The following NAALADL2 variants were observed in gnomAD, a reference collection of about 807,000 sequenced individuals.
NAALADL2 encodes the protein inactive N-acetylated-alpha-linked acidic dipeptidase-like protein 2.
NAALADL2 carries 76 observed loss-of-function variants against 87.2 expected under a neutral mutation model. The ratio of observed to expected loss-of-function variants is 0.87; its 90% confidence interval spans 0.72 to 1.05. NAALADL2 has a LOEUF of 1.05. NAALADL2 is among the 50% of genes least tolerant of loss of function. NAALADL2 has a pLI of 0.00. For synonymous variants in NAALADL2, 354 were observed against 331.0 expected (o/e 1.07, Z -0.75); for missense variants, 1,089 against 945.8 (o/e 1.15, Z -1.99).
intron 11 of NAALADL2, among the ~76,000 whole-genome samples, chr3:175,657,879 T>A (rs909767165): frequency 2.0e-5 from 3 of 151,956 alleles, no homozygotes; most frequent in African/African-American, 7.2e-5. Context: ...CCTGGCCTCA[T>A]TTTACTGGTT....
At chr3:175,037,240 TATG>T (rs1753529685) in intron 1 of NAALADL2, among the ~76,000 whole-genome samples, 1 of 152,146 alleles carries the variant, frequency 6.6e-6, no homozygotes, top group African/African-American at 2.4e-5. Context: ...GCACTGGTGA[TATG>T]ACTAAGTCAC....
intron 8 of NAALADL2, among the ~76,000 whole-genome samples, chr3:175,467,773 A>G (rs1204324485): frequency 6.6e-6 from 1 of 152,082 alleles, no homozygotes; most frequent in Non-Finnish European, 1.5e-5. Flanking sequence ...TCCAAATGAA[A>G]TCTAGCATGC....
At chr3:174,903,867 T>C (rs1732599388) in intron 1 of NAALADL2, among the ~76,000 whole-genome samples, 1 of 151,786 alleles carries the variant, frequency 6.6e-6, no homozygotes, top group African/African-American at 2.4e-5. Context: ...CACCTATAAA[T>C]GTACTTTTTT....
intron 12 of NAALADL2, among the ~76,000 whole-genome samples, chr3:175,749,156 G>A (rs1242748154): frequency 8.1e-5 from 9 of 110,714 alleles, no homozygotes; most frequent in Non-Finnish European, 1.5e-4. Context: ...GGAAGGGAGG[G>A]GAGGGGAAGG....
At chr3:174,530,328 A>G (rs1721125857) in intron 1 of NAALADL2, among the ~76,000 whole-genome samples, 2 of 152,018 alleles carry the variant, frequency 1.3e-5, no homozygotes, top group South Asian at 4.1e-4. Context: ...CTTAGCCTGG[A>G]TTTCATTGTC....
intron 5 of NAALADL2, among the ~76,000 whole-genome samples, chr3:175,378,377 C>T (rs78230963): frequency 0.15 from 22,786 of 152,234 alleles, 1,872 homozygotes; most frequent in African/African-American, 0.19. Flanking sequence ...GCACCCTCTT[C>T]GCAGGTCCTG....
At chr3:175,175,271 G>T (rs1655715266) in intron 2 of NAALADL2, among the ~76,000 whole-genome samples, 2 of 151,860 alleles carry the variant, frequency 1.3e-5, no homozygotes, top group Non-Finnish European at 2.9e-5. Flanking sequence ...ACATCATTTT[G>T]CCTTTTATTT....
intron 11 of NAALADL2, among the ~76,000 whole-genome samples, chr3:175,729,684 G>A (rs1005819313): frequency 6.6e-5 from 10 of 151,680 alleles, no homozygotes; most frequent in Non-Finnish European, 1.2e-4. Context: ...TACAGTCTCC[G>A]AATCTGTTGT....
chr3:174,848,716 AG>A (rs2109461361), intron 3 of NAALADL2, among the ~76,000 whole-genome samples: 1 of 152,298 alleles, frequency 6.6e-6, no homozygotes, highest in Non-Finnish European at 1.5e-5. Context: ...TTTAAACTAC[AG>A]TCATGCGTCA....
chr3:175,346,785 G>T (rs1234984698), intron 5 of NAALADL2, among the ~76,000 whole-genome samples: 2 of 152,104 alleles, frequency 1.3e-5, no homozygotes, highest in South Asian at 2.1e-4. Flanking sequence ...AGCTTAAATG[G>T]CTTAGAAGCA....
intron 2 of NAALADL2, among the ~76,000 whole-genome samples, chr3:175,100,407 G>C (rs1166933285): frequency 2.0e-5 from 3 of 152,232 alleles, no homozygotes; most frequent in Non-Finnish European, 2.9e-5. Flanking sequence ...AGTGGAAAAA[G>C]TTTAACAAAA....
intron 2 of NAALADL2, among the ~76,000 whole-genome samples, chr3:175,203,854 A>G (rs575909679): frequency 6.6e-6 from 1 of 152,242 alleles, no homozygotes. Flanking sequence ...AAAGAGATGG[A>G]TACATTCCTG....
At chr3:174,606,189 C>A (rs748186267) in intron 2 of NAALADL2, among the ~76,000 whole-genome samples, 45 of 152,074 alleles carry the variant, frequency 3.0e-4, no homozygotes, top group Middle Eastern at 6.3e-3. Context: ...TCATCAAAGA[C>A]CGAAAGTAGA....
chr3:175,691,977 T>C (rs1320131140), intron 11 of NAALADL2, among the ~76,000 whole-genome samples: 1 of 152,184 alleles, frequency 6.6e-6, no homozygotes, highest in Non-Finnish European at 1.5e-5. Context: ...CTTTCTCGAA[T>C]ATGATGCTGC....
chr3:174,781,385 G>A (rs1317672248), intron 3 of NAALADL2, among the ~76,000 whole-genome samples: 2 of 151,430 alleles, frequency 1.3e-5, no homozygotes, highest in Non-Finnish European at 2.9e-5. Context: ...TTCCAGCTTG[G>A]TTCCATTCTC....
chr3:175,397,151 A>T (rs1183940144), intron 5 of NAALADL2: 1 of 152,132 alleles, frequency 6.6e-6, no homozygotes, highest in Non-Finnish European at 1.5e-5. Flanking sequence ...CTATTTGTCT[A>T]TATTGCCCAC....
At chr3:174,491,220 T>C (rs1324412271) in intron 1 of NAALADL2, among the ~76,000 whole-genome samples, 2 of 152,150 alleles carry the variant, frequency 1.3e-5, no homozygotes, top group Admixed American at 6.6e-5. Context: ...TTCAATCCTG[T>C]ATCATTTTTA....
At chr3:175,564,728 A>C (rs148452779) in intron 9 of NAALADL2, among the ~76,000 whole-genome samples, 1 of 152,346 alleles carries the variant, frequency 6.6e-6, no homozygotes, top group East Asian at 1.9e-4. Flanking sequence ...AATTGTACCC[A>C]GAGGGAGTGT....
intron 1 of NAALADL2, among the ~76,000 whole-genome samples, chr3:174,451,454 A>C (rs967789412): frequency 1.3e-5 from 2 of 152,220 alleles, no homozygotes; most frequent in Non-Finnish European, 2.9e-5. Flanking sequence ...AGAAAACTAC[A>C]TAACAGAAAC....
Sources: allele counts gnomAD v4.1 joint callset (sites outside exome capture counted in the v4.1 genomes callset), GRCh38; gene constraint gnomAD v4.1.1; transcripts MANE v1.5; gene names NCBI Gene and HGNC (gene_info 2026-07-23, HGNC 2026-07-21).